SEMA4D: variants seen among roughly 807,000 people sequenced by gnomAD.
SEMA4D encodes semaphorin-4D.
A neutral mutation model predicts 74.8 loss-of-function variants in SEMA4D; 22 were observed. The ratio of observed to expected loss-of-function variants is 0.29; its 90% CI spans 0.21 to 0.42. The LOEUF (loss-of-function observed/expected upper bound fraction) is 0.42. SEMA4D is among the 10% of genes least tolerant of loss of function. SEMA4D has a pLI of 1.00. For missense variants in SEMA4D, 937 were observed against 1,118.4 expected (o/e 0.84, Z 2.31); for synonymous variants, 445 against 463.7 (o/e 0.96, Z 0.52).
In SEMA4D at chr9:89,484,506, T is replaced by C. The variant is rs1168375067; in HGVS notation, c.-310+13413A>G. 6.6e-6 allele frequency among the ~76,000 whole-genome samples: 1 copy of C among 150,938 alleles called. No homozygotes were observed. Among genetic ancestry groups the C allele is most frequent in the Admixed American group, 6.6e-5 (1 of 15,152 alleles). ...GTGTATGTACCACGTGGTGGGTTTG[T>C]GTAGTGTGTGTGGTGTGTATGGACT... On this transcript the variant is annotated intron_variant, in intron 1 of 15. Transcript: ENST00000422704. This position sits in a 1 kb window ranked among gnomAD's most constrained non-coding sequence, Gnocchi z 4.1.
intron 1 of SEMA4D, among the ~76,000 whole-genome samples, chr9:89,457,446 AAGG>A (rs1399800942): frequency 2.0e-5 from 3 of 152,204 alleles, no homozygotes; most frequent in African/African-American, 7.2e-5. Context: ...CACAAAGAAC[AAGG>A]AGGTCAGCTG....
At chr9:89,441,086 A>G (rs1432730731) in intron 2 of SEMA4D, among the ~76,000 whole-genome samples, 1 of 152,204 alleles carries the variant, frequency 6.6e-6, no homozygotes, top group Non-Finnish European at 1.5e-5. Context: ...CCCTCAGCAA[A>G]CCACCATCAG....
chr9:89,459,430 C>T (rs548672465), intron 1 of SEMA4D, among the ~76,000 whole-genome samples: 7 of 152,308 alleles, frequency 4.6e-5, no homozygotes, highest in African/African-American at 1.7e-4. Context: ...AAGTCCCTGG[C>T]TCTCCTGAGG....
chr9:89,460,853 G>A (rs905757558), intron 1 of SEMA4D, among the ~76,000 whole-genome samples: 2 of 152,236 alleles, frequency 1.3e-5, no homozygotes, highest in African/African-American at 4.8e-5. Flanking sequence ...GACAGGCAGG[G>A]CTTAGCAGGG....
In SEMA4D at chr9:89,389,022, A is replaced by G; in HGVS notation, c.800T>C (p.Leu267Ser). 2 of 1,614,076 alleles carry G rather than the reference A, an allele frequency of 1.2e-6. No homozygotes were observed. The highest frequency in any genetic ancestry group is 1.7e-6 in the Non-Finnish European group (2 of 1,179,996). Reference protein sequence around the residue: ...CKGDQGGLRTLQKKWTSFLKA... With the variant: ...CKGDQGGLRTSQKKWTSFLKA... ...CAGGAAGGAGGTCCATTTCTTCTGC[A>G]AGGTCCTCAGGCCGCCCTGGTCCCC... is the stretch of plus-strand genomic sequence containing the variant. Residue 267 changes from leucine (L) to serine (S), a missense_variant, in exon 10 of 16, where the codon TTG (leucine) becomes TCG (serine). Transcript: ENST00000422704.
At chr9:89,363,588 C>T in intron 17 of SEMA4D, 1 of 1,604,628 alleles carries the variant, frequency 6.2e-7, no homozygotes. Context: ...ACCCTTGATG[C>T]CCACTGGCCA....
chr9:89,435,157 GAC>G (rs1850127507), intron 2 of SEMA4D, among the ~76,000 whole-genome samples: 1 of 152,132 alleles, frequency 6.6e-6, no homozygotes, highest in Non-Finnish European at 1.5e-5. Context: ...GCATGTGGAG[GAC>G]AGAAATCCCC....
At chr9:89,385,866 G>GGGGGGCCCCCCCCCCC in intron 13 of SEMA4D, 1 of 196,226 alleles carries the variant, frequency 5.1e-6, no homozygotes, top group Non-Finnish European at 9.0e-6. Context: ...CAGCGTGGAT[G>GGGGGGCCCCCCCCCCC]CCCGCCCACC....
At chr9:89,454,239 T>C (rs1244513118) in intron 2 of SEMA4D, among the ~76,000 whole-genome samples, 1 of 152,132 alleles carries the variant, frequency 6.6e-6, no homozygotes, top group Non-Finnish European at 1.5e-5. Flanking sequence ...CCCGGCTTTC[T>C]AAAGGGGATG....
At chr9:89,444,688 C>A (rs1192076420) in intron 2 of SEMA4D, among the ~76,000 whole-genome samples, 1 of 151,394 alleles carries the variant, frequency 6.6e-6, no homozygotes, top group African/African-American at 2.4e-5. Context: ...TTCAAACACA[C>A]AAAACAAGAA....
In SEMA4D at chr9:89,378,903, C is replaced by T. The variant is rs1836329573; in HGVS notation, c.2390G>A (p.Gly797Glu). Residue 797 changes from glycine (G) to glutamate (E), a missense_variant, in exon 16 of 16, where the codon GGG becomes GAG. Physicochemically the swap from Gly to Glu is moderately conservative, Grantham distance 98 (BLOSUM62 -2). Transcript: ENST00000422704. ...CTCCCCATTCTGCTGGGAGAAGCTC[C>T]CTGGCTCTACTAACGTCTCCTTCAG... ...QSLKETLVEP[G>E]SFSQQNGEHP... The T allele has an allele frequency of 6.2e-7, 1 of 1,614,070 alleles. No individual in the cohort carries two copies. Among genetic ancestry groups the T allele is most frequent in the South Asian group, 1.1e-5 (1 of 91,084 alleles).
chr9:89,497,377 G>GTC (rs1477471777), intron 1 of SEMA4D: 1 of 152,342 alleles, frequency 6.6e-6, no homozygotes, highest in Non-Finnish European at 1.5e-5. Flanking sequence ...TGCCCCACCT[G>GTC]TCTGAGTGCG....
intron 16 of SEMA4D, chr9:89,367,080 C>T (rs903285058): frequency 6.6e-6 from 1 of 152,582 alleles, no homozygotes; most frequent in Non-Finnish European, 1.5e-5. Flanking sequence ...TAAATACATG[C>T]TTGATCATCA....
chr9:89,452,475 G>A (rs1410670003), intron 2 of SEMA4D, among the ~76,000 whole-genome samples: 1 of 152,020 alleles, frequency 6.6e-6, no homozygotes, highest in African/African-American at 2.4e-5. Flanking sequence ...ACCGCACCCA[G>A]CCTTTTCACT....
At chr9:89,460,779 C>A (rs1381914262) in intron 1 of SEMA4D, among the ~76,000 whole-genome samples, 2 of 152,260 alleles carry the variant, frequency 1.3e-5, no homozygotes, top group African/African-American at 2.4e-5. Flanking sequence ...CCCAGGAGAA[C>A]CCATGCCCTC....
intron 2 of SEMA4D, among the ~76,000 whole-genome samples, chr9:89,427,705 G>A (rs951724597): frequency 6.6e-6 from 1 of 152,234 alleles, no homozygotes; most frequent in Non-Finnish European, 1.5e-5. Context: ...CTACGGCCCT[G>A]CAAAGTCCCA....
chr9:89,460,511 T>TC (rs1298322148), intron 1 of SEMA4D, among the ~76,000 whole-genome samples: 2 of 152,224 alleles, frequency 1.3e-5, no homozygotes, highest in Non-Finnish European at 2.9e-5. Context: ...AACTTGAAAC[T>TC]CCAAAATGTG....
chr9:89,461,838 G>T (rs1172428871), intron 1 of SEMA4D, among the ~76,000 whole-genome samples: 1 of 151,678 alleles, frequency 6.6e-6, no homozygotes, highest in African/African-American at 2.4e-5. Flanking sequence ...GAGTAGCTGG[G>T]ATTACAGGCG....
At chr9:89,482,051 G>A (rs927431422) in intron 1 of SEMA4D, among the ~76,000 whole-genome samples, 4 of 152,234 alleles carry the variant, frequency 2.6e-5, no homozygotes, top group Non-Finnish European at 4.4e-5. Context: ...AGGGGTCACC[G>A]CCCAGACGGG....
Sources: allele counts gnomAD v4.1 joint callset (sites outside exome capture counted in the v4.1 genomes callset), GRCh38; gene constraint gnomAD v4.1.1; non-coding constraint Gnocchi (gnomAD v3.1); transcripts MANE v1.5; gene names NCBI Gene and HGNC (gene_info 2026-07-23, HGNC 2026-07-21).